Variants in UCP3 observed in about 807,000 individuals in gnomAD.
The protein encoded by UCP3 is uncoupling protein 3.
UCP3 carries 24 observed loss-of-function variants against 28.1 expected under a neutral mutation model. That is an observed-to-expected ratio of 0.85 (90% CI 0.62 to 1.20). The LOEUF (loss-of-function observed/expected upper bound fraction) is 1.20. Among genes scored for constraint, UCP3 ranks in the 50% most tolerant of loss-of-function variants. The pLI is 0.00. For synonymous variants in UCP3, 184 were observed against 171.2 expected (o/e 1.07, Z -0.59); for missense variants, 397 against 422.2 (o/e 0.94, Z 0.52).
chr11:74,001,034 T>C lies in UCP3; in HGVS notation c.*378A>G. 3.4e-6 allele frequency: 1 copy of C among 291,548 alleles called. No individual in the cohort carries two copies. Among genetic ancestry groups the C allele is most frequent in the Non-Finnish European group, 6.5e-6 (1 of 154,082 alleles). The allele number at this position is 291,548 out of a possible 1,614,324, so 18.1% of individuals were successfully genotyped here. On this transcript the variant is annotated 3_prime_UTR_variant, in exon 7 of 7. Transcript: ENST00000314032. ...ATTGTGGGCCCCTCCTGTCCCGTGC[T>C]TGCCATCCTTCCTGCTTATCATTCA...
In UCP3 at chr11:74,001,303, G is replaced by T; in HGVS notation, c.*109C>A. 1 of 1,041,764 alleles carries T rather than the reference G, an allele frequency of 9.6e-7. No homozygotes were observed. The highest frequency in any genetic ancestry group is 1.5e-6 in the Non-Finnish European group (1 of 688,952). The allele number at this position is 1,041,764 out of a possible 1,614,324, so 64.5% of individuals were successfully genotyped here. ...TTGAATCAGCAACAAGTAAACAACA[G>T]TTCTGTAAACATGTGTGGGTCTGTG... is the stretch of plus-strand genomic sequence containing the variant. On this transcript the variant is annotated 3_prime_UTR_variant, in exon 7 of 7. Coordinates refer to ENST00000314032, the MANE Select transcript of UCP3 (RefSeq NM_003356.4).
At chr11:74,007,397 G>A (rs751188315) in intron 1 of UCP3, 3 of 231,230 alleles carry the variant, frequency 1.3e-5, no homozygotes, top group Non-Finnish European at 2.6e-5. Flanking sequence ...TGAGGAAACC[G>A]AGGCTCAGGC....
intron 4 of UCP3, 37 bp from the exon 5 acceptor site, chr11:74,004,622 T>G: frequency 2.6e-6 from 4 of 1,552,238 alleles, no homozygotes; most frequent in South Asian, 1.1e-5. Context: ...GTGAAATGGG[T>G]GGGGAGGGAG....
chr11:74,006,770 G>A (rs1565191902), intron 2 of UCP3, 147 bp downstream of exon 2: 2 of 1,309,228 alleles, frequency 1.5e-6, no homozygotes, highest in South Asian at 1.3e-5. Flanking sequence ...GGTGATGGGA[G>A]GAGGCAAGGA....
intron 4 of UCP3, among the ~76,000 whole-genome samples, chr11:74,005,525 C>G (rs1319971034): frequency 6.6e-6 from 1 of 152,250 alleles, no homozygotes. Context: ...TCCCTCACAT[C>G]AACCTGCACA....
intron 1 of UCP3, 132 bp from the exon 2 acceptor site, chr11:74,007,269 G>A (rs564239289): frequency 8.5e-6 from 5 of 585,878 alleles, no homozygotes; most frequent in Non-Finnish European, 1.5e-5. Flanking sequence ...CATGAATTTG[G>A]CCTATAAAAA....
At chr11:74,005,604 T>C in intron 4 of UCP3, 126 bp downstream of exon 4, 2 of 1,088,408 alleles carry the variant, frequency 1.8e-6, no homozygotes, top group African/African-American at 3.1e-5. Flanking sequence ...TCTTTGGTTG[T>C]GATGTTCTTT....
At chr11:74,008,427 C>G (rs1299646520) in intron 1 of UCP3, among the ~76,000 whole-genome samples, 1 of 152,142 alleles carries the variant, frequency 6.6e-6, no homozygotes, top group Non-Finnish European at 1.5e-5. Flanking sequence ...TACCCAACAC[C>G]AGTTGCCTCC....
chr11:74,001,465 G>A lies in UCP3; in HGVS notation c.886C>T (p.Gln296Ter). 1 of 1,614,172 alleles carries A rather than the reference G, an allele frequency of 6.2e-7. No homozygotes were observed. Among genetic ancestry groups the A allele is most frequent in the South Asian group, 1.1e-5 (1 of 91,086 alleles). The change falls in exon 7 of 7, where the codon CAG (glutamine) becomes TAG (stop). Residue 296 changes from glutamine (Q) to a stop codon, truncating the protein, a stop_gained. Coordinates refer to ENST00000314032, the MANE Select transcript of UCP3 (RefSeq NM_003356.4). LOFTEE classifies it high-confidence loss of function. The part of the protein sequence containing the change: ...WNVVMFVTYE[Q>*]LKRALMKVQM... ...ACTTTCATCAGGGCCCGTTTCAGCT[G>A]CTCATAGGTTACGAACATCACCACG...
chr11:74,002,491 T>A (rs1951629124), intron 6 of UCP3, among the ~76,000 whole-genome samples: 1 of 152,214 alleles, frequency 6.6e-6, no homozygotes, highest in South Asian at 2.1e-4. Context: ...AGTTTCCTTA[T>A]CTGTAAAATG....
intron 5 of UCP3, 35 bp from the exon 6 acceptor site, chr11:74,004,042 C>A (rs1034657640): frequency 6.2e-7 from 1 of 1,610,380 alleles, no homozygotes; most frequent in Admixed American, 1.7e-5. Context: ...TCAAGGAGTG[C>A]ATTTGTGTTC....
chr11:74,006,414 G>A, intron 2 of UCP3, 35 bp from the exon 3 acceptor site: 1 of 1,500,646 alleles, frequency 6.7e-7, no homozygotes, highest in South Asian at 1.3e-5. Context: ...GGACTCAGAT[G>A]GGAAGGCAAG....
intron 5 of UCP3, among the ~76,000 whole-genome samples, 184 bp from the exon 6 acceptor site, chr11:74,004,191 G>A (rs1054588817): frequency 3.3e-5 from 5 of 152,212 alleles, no homozygotes; most frequent in African/African-American, 1.2e-4. Flanking sequence ...CTGACCCAGA[G>A]GTGGGAGGTC....
Position 74,003,857 on chromosome 11 carries a change from G to A in UCP3, c.794C>T (p.Ala265Val). ...SPLDCMIKMV[A>V]QEGPTAFYKG... ...GTAGAAGGCTGTGGGGCCCTCCTGG[G>A]CCACCATCTTTATCATACAGTCGAG... The change falls in exon 6 of 7, where the codon GCC becomes GTC. Residue 265 changes from alanine (A) to valine (V), a missense_variant. Transcript: ENST00000314032. The A allele has an allele frequency of 6.2e-7, 1 of 1,612,404 alleles. No homozygotes were observed. Among genetic ancestry groups the A allele is most frequent in the Non-Finnish European group, 8.5e-7 (1 of 1,178,908 alleles).
At chr11:74,004,696 T>C (rs1034593751) in intron 4 of UCP3, 111 bp from the exon 5 acceptor site, 4 of 956,286 alleles carry the variant, frequency 4.2e-6, no homozygotes, top group East Asian at 2.5e-5. Context: ...TTTGGGGCCA[T>C]AGTGCCCCAT....
chr11:74,006,318 C>A lies in UCP3; in HGVS notation c.188G>T (p.Gly63Val), dbSNP rs1331639820. 1.0e-5 allele frequency: 16 copies of A among 1,607,794 alleles called. No individual in the cohort carries two copies. Among genetic ancestry groups the A allele is most frequent in the Non-Finnish European group, 1.4e-5 (16 of 1,178,750 alleles). The change falls in exon 3 of 7, where the codon GGC (glycine) becomes GTC (valine). Residue 63 changes from glycine (G) to valine (V), a missense_variant. Transcript: ENST00000314032. ...ARLVQYRGVL[G>V]TILTMVRTEG... ...AGTCCGCACCATGGTCAGGATGGTG[C>A]CCAGCACGCCACGGTACTGCACGAG...
In UCP3 at chr11:74,004,455, A is replaced by G. The variant is rs751781640; in HGVS notation, c.643+29T>C. On this transcript the variant is annotated intron_variant, in intron 5 of 6. Transcript: ENST00000314032. ...CTGGGTTCCCTCCCTGCTGAGGGAGAGCTGCCTGCCTGGAGCCCAGGGCCT... is the reference window on the plus strand; with the variant it reads ...CTGGGTTCCCTCCCTGCTGAGGGAGGGCTGCCTGCCTGGAGCCCAGGGCCT... 6.2e-6 allele frequency: 10 copies of G among 1,608,442 alleles called. No individual in the cohort carries two copies. In the African/African-American group the frequency reaches 1.3e-4, roughly 22 times the overall value.
In UCP3 at chr11:74,001,437, T is replaced by C; in HGVS notation, c.914A>G (p.Gln305Arg). The part of the protein sequence containing the change: ...EQLKRALMKV[Q>R]MLRESPF ...TCAAAACGGTGATTCCCGTAACATCTGGACTTTCATCAGGGCCCGTTTCAG... is the reference window on the plus strand; with the variant it reads ...TCAAAACGGTGATTCCCGTAACATCCGGACTTTCATCAGGGCCCGTTTCAG... The change falls in exon 7 of 7, where the codon CAG becomes CGG. Residue 305 changes from glutamine (Q) to arginine (R), a missense_variant. By Grantham distance (43) the Gln-to-Arg change is conservative. Coordinates refer to ENST00000314032, the MANE Select transcript of UCP3 (RefSeq NM_003356.4). The C allele has an allele frequency of 1.2e-6, 2 of 1,614,220 alleles. No individual in the cohort carries two copies. The highest frequency in any genetic ancestry group is 2.2e-5 in the East Asian group (1 of 44,880).
chr11:74,001,168 G>C lies in UCP3; in HGVS notation c.*244C>G. On this transcript the variant is annotated 3_prime_UTR_variant, in exon 7 of 7. Coordinates refer to ENST00000314032, the MANE Select transcript of UCP3 (RefSeq NM_003356.4). ...CCTAAATATTAGGCATGCCTAATGG[G>C]TTTCAAAAATTAATATAATTTATTT... 1 of 536,084 alleles carries C rather than the reference G, an allele frequency of 1.9e-6. No individual in the cohort carries two copies. Among genetic ancestry groups the C allele is most frequent in the Non-Finnish European group, 3.3e-6 (1 of 299,982 alleles). The allele number at this position is 536,084 out of a possible 1,614,324, so 33.2% of individuals were successfully genotyped here. A position where few individuals can be genotyped will look rare whatever the true frequency, so the allele number is the denominator to read the frequency against.
Sources: allele counts gnomAD v4.1 joint callset (sites outside exome capture counted in the v4.1 genomes callset), GRCh38; gene constraint gnomAD v4.1.1; transcripts MANE v1.5; gene names NCBI Gene and HGNC (gene_info 2026-07-23, HGNC 2026-07-21).